IL1RAPL1: variants seen among roughly 807,000 people sequenced by gnomAD.
IL1RAPL1 encodes the protein interleukin 1 receptor accessory protein like 1, also known as interleukin-1 receptor accessory protein-like 1.
A neutral mutation model predicts 48.4 loss-of-function variants in IL1RAPL1; 3 were observed. The observed-to-expected ratio is 0.06, with a 90% CI of 0.03 to 0.16. IL1RAPL1 has a LOEUF of 0.16. Ranked by LOEUF, IL1RAPL1 falls within the 10% of genes least tolerant of loss-of-function variation. IL1RAPL1 has a pLI of 1.00. For synonymous variants in IL1RAPL1, 185 were observed against 187.7 expected (o/e 0.99, Z 0.12); for missense variants, 349 against 530.6 (o/e 0.66, Z 3.36).
chrX:29,255,163 G>A (rs1931736499), intron 2 of IL1RAPL1, among the ~76,000 whole-genome samples: 1 of 109,276 alleles, frequency 9.2e-6, no homozygotes, highest in South Asian at 3.8e-4. Context: ...GTGTGTGTGT[G>A]TGAAATTCAT....
At chrX:29,144,603 C>CAAA (rs1235048808) in intron 2 of IL1RAPL1, among the ~76,000 whole-genome samples, 4 of 21,810 alleles carry the variant, frequency 1.8e-4, no homozygotes, top group African/African-American at 4.5e-4. Flanking sequence ...AACTCAGTCT[C>CAAA]AAAAAAAAAA....
chrX:29,081,020 C>CTCTTTTCTTTTCT (rs1555960745), intron 2 of IL1RAPL1, among the ~76,000 whole-genome samples: 1 of 41,909 alleles, frequency 2.4e-5, no homozygotes, highest in African/African-American at 9.0e-5. Flanking sequence ...CTCTCTCTCT[C>CTCTTTTCTTTTCT]TTTCTTTTCT....
intron 3 of IL1RAPL1, among the ~76,000 whole-genome samples, chrX:29,291,897 T>C (rs1932376930): frequency 8.9e-6 from 1 of 112,291 alleles, no homozygotes; most frequent in Non-Finnish European, 1.9e-5. Context: ...GTCAGGATGC[T>C]GGAGGACAAT....
At chrX:29,046,765 CATTG>C (rs1241022449) in intron 2 of IL1RAPL1, among the ~76,000 whole-genome samples, 1 of 111,937 alleles carries the variant, frequency 8.9e-6, no homozygotes, top group Non-Finnish European at 1.9e-5. Context: ...ATTACAGCAT[CATTG>C]ATTTCGATTG....
intron 2 of IL1RAPL1, among the ~76,000 whole-genome samples, chrX:28,872,804 T>A (rs1194104082): frequency 8.9e-6 from 1 of 112,292 alleles, no homozygotes; most frequent in Non-Finnish European, 1.9e-5. Context: ...CATTTTGTAG[T>A]AGAGACTTTG....
intron 1 of IL1RAPL1, among the ~76,000 whole-genome samples, chrX:28,704,846 AAAAC>A (rs1935354898): frequency 9.4e-6 from 1 of 106,464 alleles, no homozygotes; most frequent in Non-Finnish European, 1.9e-5. Context: ...AAAAAAAAAA[AAAAC>A]TGTGACTGGA....
At chrX:29,479,740 C>T (rs940010434) in intron 5 of IL1RAPL1, among the ~76,000 whole-genome samples, 5 of 110,516 alleles carry the variant, frequency 4.5e-5, no homozygotes, top group African/African-American at 1.3e-4. Context: ...CATAGCTTAG[C>T]TCCCACCTAT....
intron 2 of IL1RAPL1, among the ~76,000 whole-genome samples, chrX:29,137,146 TTACCTTGGCCTCAGC>T (rs912876417): frequency 2.3e-5 from 2 of 85,122 alleles, no homozygotes; most frequent in East Asian, 3.6e-4. Flanking sequence ...ACCTTACTGC[TTACCTTGGCCTCAGC>T]TACCTTGGCC....
At chrX:29,071,903 G>A (rs1927572879) in intron 2 of IL1RAPL1, among the ~76,000 whole-genome samples, 1 of 111,783 alleles carries the variant, frequency 8.9e-6, no homozygotes, top group Non-Finnish European at 1.9e-5. Flanking sequence ...GAACTGGGAG[G>A]ATAAGTGAAA....
intron 5 of IL1RAPL1, among the ~76,000 whole-genome samples, chrX:29,506,526 A>T (rs1335622862): frequency 9.4e-6 from 1 of 105,893 alleles, no homozygotes; most frequent in Non-Finnish European, 1.9e-5. Context: ...TTTCAGCACC[A>T]GGTGGTTCCT....
chrX:29,340,031 C>A (rs1412830388), intron 3 of IL1RAPL1, among the ~76,000 whole-genome samples: 1 of 111,966 alleles, frequency 8.9e-6, no homozygotes, highest in Non-Finnish European at 1.9e-5. Context: ...ATAGTAGGTG[C>A]TGAATACATG....
At chrX:29,093,941 A>T (rs1928145792) in intron 2 of IL1RAPL1, among the ~76,000 whole-genome samples, 1 of 111,862 alleles carries the variant, frequency 8.9e-6, no homozygotes, top group South Asian at 3.8e-4. Context: ...TTTCTCCTCA[A>T]CCCTTCTTGC....
chrX:29,365,194 G>A (rs181929045), intron 3 of IL1RAPL1, among the ~76,000 whole-genome samples: 29 of 111,400 alleles, frequency 2.6e-4, no homozygotes, highest in Admixed American at 3.8e-4. Flanking sequence ...GGTGAAAGGA[G>A]TTCCTGGGTG....
chrX:29,256,300 A>C (rs1168169662), intron 2 of IL1RAPL1, among the ~76,000 whole-genome samples: 1 of 110,887 alleles, frequency 9.0e-6, no homozygotes, highest in Non-Finnish European at 1.9e-5. Context: ...TTCACAAAGG[A>C]TTGCTGGCTG....
intron 2 of IL1RAPL1, among the ~76,000 whole-genome samples, chrX:28,992,175 A>AT (rs752069854): frequency 1.8e-5 from 2 of 112,033 alleles, no homozygotes; most frequent in Non-Finnish European, 3.8e-5. Flanking sequence ...TAGATAATAA[A>AT]TGTATAAGTG....
chrX:28,824,623 T>C (rs1264412829), intron 2 of IL1RAPL1, among the ~76,000 whole-genome samples: 1 of 111,364 alleles, frequency 9.0e-6, no homozygotes, highest in Non-Finnish European at 1.9e-5. Flanking sequence ...CCCAGATTCA[T>C]ATCTCCTAAG....
intron 2 of IL1RAPL1, among the ~76,000 whole-genome samples, chrX:28,886,052 A>AT (rs1922620234): frequency 9.0e-6 from 1 of 110,577 alleles, no homozygotes; most frequent in South Asian, 3.7e-4. Context: ...TAAACCACAG[A>AT]TTTTTTGTTT....
At chrX:29,157,990 C>T (rs180890352) in intron 2 of IL1RAPL1, among the ~76,000 whole-genome samples, 214 of 111,259 alleles carry the variant, frequency 1.9e-3, no homozygotes, top group South Asian at 5.3e-3. Flanking sequence ...TGATTAGAGT[C>T]CCATGTAGTA....
At position 29,287,747 on chromosome X, in the gene IL1RAPL1, ATTAT is replaced by A. The variant is rs1322520110; in HGVS notation, c.362+4535_362+4538del. ...ATATTTTTGTACATTTTATAATTGA[ATTAT>A]TTATGTCCTCCTCATTGAATTTTGA... On this transcript the variant is annotated intron_variant, in intron 3 of 10. Coordinates refer to ENST00000378993, the MANE Select transcript of IL1RAPL1 (RefSeq NM_014271.4). Among the ~76,000 whole-genome samples, 5 of 112,245 alleles carry A rather than the reference ATTAT, an allele frequency of 4.5e-5. No homozygotes were observed. In the Admixed American group the frequency reaches 4.7e-4, roughly 11 times the overall value.
Sources: allele counts gnomAD v4.1 joint callset (sites outside exome capture counted in the v4.1 genomes callset), GRCh38; gene constraint gnomAD v4.1.1; transcripts MANE v1.5; gene names NCBI Gene and HGNC (gene_info 2026-07-23, HGNC 2026-07-21).